OR1S2: variants seen among roughly 807,000 people sequenced by gnomAD.
OR1S2 encodes the protein olfactory receptor family 1 subfamily S member 2.
OR1S2 carries 1 observed loss-of-function variant against 1.7 expected under a neutral mutation model. The ratio of observed to expected loss-of-function variants is 0.59; its 90% CI spans 0.21 to 2.81. OR1S2 has a LOEUF of 2.81. OR1S2 is among the 30% of genes most tolerant of loss of function. The pLI is 0.22. For synonymous variants in OR1S2, 157 were observed against 145.3 expected (o/e 1.08, Z -0.58); for missense variants, 391 against 371.6 (o/e 1.05, Z -0.43).
At chr11:58,203,666 G>C (rs748495168) in exon 1 of OR1S2, 9 of 1,614,174 alleles carry the variant, frequency 5.6e-6, no homozygotes, top group Non-Finnish European at 7.6e-6. Flanking sequence ...GCAGAAGGGT[G>C]TGTGTAAGAG....
chr11:58,203,937 G>A, exon 1 of OR1S2: 6 of 1,614,072 alleles, frequency 3.7e-6, no homozygotes, highest in South Asian at 1.1e-5. Flanking sequence ...GGAAATATCA[G>A]CAAAGGATAG....
At chr11:58,204,141 A>G (rs746338237) in exon 1 of OR1S2, 14 of 1,613,690 alleles carry the variant, frequency 8.7e-6, no homozygotes, top group African/African-American at 4.0e-5. Flanking sequence ...TTCTTGATGC[A>G]TATTTCTGCT....
In OR1S2 at chr11:58,203,345, G is replaced by T; in HGVS notation, c.798C>A (p.His266Gln). 1.6e-5 allele frequency: 26 copies of T among 1,614,078 alleles called. No homozygotes were observed. In the Middle Eastern group the frequency reaches 6.6e-4, roughly 41 times the overall value. ...CACCAATCTTATCAGTGTCCTCAGG[G>T]TGAGTGGAGGAGGGGAAAAAGTACA... Residue 266 changes from histidine to glutamine, a missense_variant, in exon 1 of 1, where the codon CAC (histidine) becomes CAA (glutamine). His to Gln is a conservative substitution (Grantham distance 24). Coordinates refer to ENST00000641683, the Ensembl canonical transcript of OR1S2.
At chr11:58,203,390 G>T (rs182524483) in exon 1 of OR1S2, 271 of 1,614,040 alleles carry the variant, frequency 1.7e-4, no homozygotes, top group Non-Finnish European at 2.5e-5. Context: ...TGGTTCCGTA[G>T]AACAGTAATG....
exon 1 of OR1S2, chr11:58,204,057 A>C (rs1377891544): frequency 6.2e-7 from 1 of 1,613,938 alleles, no homozygotes; most frequent in African/African-American, 1.3e-5. Flanking sequence ...CAGGAAAAGC[A>C]CAAAGAGGAG....
rs991581223 is a variant in OR1S2 at position 58,203,599 on chromosome 11, C to T, written c.544G>A (p.Ala182Thr). 2 of 1,614,068 alleles carry T rather than the reference C, an allele frequency of 1.2e-6. No individual in the cohort carries two copies. The highest frequency in any genetic ancestry group is 3.3e-5 in the Admixed American group (2 of 60,006). Residue 182 changes from alanine to threonine, a missense_variant, in exon 1 of 1, where the codon GCC becomes ACC. Coordinates refer to ENST00000641683, the Ensembl canonical transcript of OR1S2. ...GAACAGGACAGTTTGAGCAGAGGGG[C>T]CAAGTCACAGAAGAAGTGTGGGAGA...
exon 1 of OR1S2, chr11:58,203,885 T>A: frequency 1.2e-6 from 2 of 1,614,138 alleles, no homozygotes; most frequent in Non-Finnish European, 1.7e-6. Flanking sequence ...GGCTGTTGGT[T>A]TGAATATTCA....
chr11:58,203,422 A>G lies in OR1S2; in HGVS notation c.721T>C (p.Cys241Arg), dbSNP rs1854869913. The change falls in exon 1 of 1, where the codon TGT (cysteine) becomes CGT (arginine). Residue 241 changes from cysteine (C) to arginine (R), a missense_variant. Coordinates refer to ENST00000641683, the Ensembl canonical transcript of OR1S2. ...AATGCAATTGTCAGGTGAGAGCCAC[A>G]AGTGGAGAAGGCTTTCCACTTTCCC... is the stretch of plus-strand genomic sequence containing the variant. 1 of 1,613,888 alleles carries G rather than the reference A, an allele frequency of 6.2e-7. No individual in the cohort carries two copies. Among genetic ancestry groups the G allele is most frequent in the Admixed American group, 1.7e-5 (1 of 59,932 alleles).
chr11:58,203,663 G>T (rs764991842), exon 1 of OR1S2: 42 of 1,613,978 alleles, frequency 2.6e-5, no homozygotes, highest in Admixed American at 2.0e-4. Flanking sequence ...TGAGCAGAAG[G>T]GTGTGTGTAA....
At chr11:58,203,549 C>G (rs749568895) in exon 1 of OR1S2, 5 of 1,614,158 alleles carry the variant, frequency 3.1e-6, no homozygotes, top group Non-Finnish European at 3.4e-6. Flanking sequence ...CAATAAACAA[C>G]ACAAGCTCAT....
exon 1 of OR1S2, chr11:58,203,681 A>G (rs2120034075): frequency 6.2e-7 from 1 of 1,614,158 alleles, no homozygotes; most frequent in Non-Finnish European, 8.5e-7. Context: ...TAAGAGCAAT[A>G]ATATTACTGA....
At chr11:58,203,490 TAGG>T (rs1565104696) in exon 1 of OR1S2, 1 of 1,613,922 alleles carries the variant, frequency 6.2e-7, no homozygotes, top group Middle Eastern at 1.6e-4. Flanking sequence ...GATGCAGACA[TAGG>T]AGAAGAAGAT....
Position 58,204,121 on chromosome 11 carries a change from TG to T in OR1S2, c.21del (p.Thr8ProfsTer25). 6.2e-7 allele frequency: 1 copy of T among 1,614,024 alleles called. No individual in the cohort carries two copies. Among genetic ancestry groups the T allele is most frequent in the African/African-American group, 1.3e-5 (1 of 75,032 alleles). ...CCCAGGAGAATGAATTCAGTGATGG[TG>T]GTTTGGTTTTCTTGATGCATATTTC... On this transcript the variant is annotated frameshift_variant, in exon 1 of 1. Transcript: ENST00000641683. LOFTEE classifies it low-confidence loss of function (END_TRUNC).
chr11:58,203,663 G>C (rs764991842), exon 1 of OR1S2: 3 of 1,613,978 alleles, frequency 1.9e-6, no homozygotes, highest in Admixed American at 1.7e-5. Flanking sequence ...TGAGCAGAAG[G>C]GTGTGTGTAA....
exon 1 of OR1S2, chr11:58,203,722 C>A (rs765775277): frequency 6.2e-7 from 1 of 1,613,866 alleles, no homozygotes; most frequent in African/African-American, 1.3e-5. Context: ...AGCAAAGTGC[C>A]GAACCTGGCC....
Position 58,203,982 on chromosome 11 carries a change from T to TA in OR1S2, c.160dup (p.Tyr54LeufsTer17). The TA allele has an allele frequency of 6.2e-7, 1 of 1,613,830 alleles. No homozygotes were observed. ...GAAGAGATACATGGGGGTGTGAAGGTATATATCCAAGCTGATAGCCACAAT... is the reference window on the plus strand; with the variant it reads ...GAAGAGATACATGGGGGTGTGAAGGTAATATATCCAAGCTGATAGCCACAAT... On this transcript the variant is annotated frameshift_variant, in exon 1 of 1. Coordinates refer to ENST00000641683, the Ensembl canonical transcript of OR1S2. LOFTEE classifies it low-confidence loss of function (END_TRUNC).
rs139274268 is a variant in OR1S2, at chr11:58,204,074, A to C, written c.69T>G (p.His23Gln). ...GGAAAAGCACAAAGAGGAGGTTTTG[A>C]TGTTCAGCCTGGTTGGAGAGTCCCA... The change falls in exon 1 of 1, where the codon CAT (histidine) becomes CAG (glutamine). Residue 23 changes from histidine (H) to glutamine (Q), a missense_variant. By Grantham distance (24) the His-to-Gln change is conservative. Transcript: ENST00000641683. 4.1e-3 allele frequency: 6,629 copies of C among 1,614,000 alleles called. 18 individuals carry two copies. Among genetic ancestry groups the C allele is most frequent in the Non-Finnish European group, 5.0e-3 (5,889 of 1,179,928 alleles).
exon 1 of OR1S2, chr11:58,203,513 G>T: frequency 1.9e-6 from 3 of 1,614,102 alleles, no homozygotes; most frequent in Non-Finnish European, 1.7e-6. Flanking sequence ...TGAGTACAAA[G>T]GGGAAGATGA....
chr11:58,204,080 A>G, exon 1 of OR1S2: 1 of 1,614,028 alleles, frequency 6.2e-7, no homozygotes, highest in Non-Finnish European at 8.5e-7. Context: ...TTTGATGTTC[A>G]GCCTGGTTGG....
Sources: gnomAD v4.1 joint callset for allele counts on GRCh38, gnomAD v4.1.1 for gene constraint, MANE v1.5 for transcripts, NCBI Gene and HGNC (gene_info 2026-07-23, HGNC 2026-07-21) for gene names.